ZFP14: variants seen among roughly 807,000 people sequenced by gnomAD.
ZFP14 encodes the protein ZFP14 zinc finger protein.
In ZFP14, 22 loss-of-function variants were observed where a neutral mutation model predicts 54.5. That is an observed-to-expected ratio of 0.40 (90% CI 0.29 to 0.58). The LOEUF (loss-of-function observed/expected upper bound fraction) is 0.58, where lower values mean the gene tolerates loss of function less well. Among genes scored for constraint, ZFP14 ranks in the 20% least tolerant of loss-of-function variants. The probability of loss-of-function intolerance (pLI) is 0.39; values close to 1 mark genes in which losing one functional copy is unlikely to be tolerated. For missense variants in ZFP14, 470 were observed against 637.8 expected (o/e 0.74, Z 2.83); for synonymous variants, 159 against 204.0 (o/e 0.78, Z 1.88).
chr19:36,358,267 C>T (rs1184443169), intron 4 of ZFP14, among the ~76,000 whole-genome samples: 1 of 150,954 alleles, frequency 6.6e-6, no homozygotes, highest in African/African-American at 2.4e-5. Context: ...TGCGCCACTA[C>T]ATCCAGCTAA....
Position 36,340,196 on chromosome 19 carries a change from A to G in ZFP14, c.*28T>C. On this transcript the variant is annotated 3_prime_UTR_variant, in exon 5 of 5. Coordinates refer to ENST00000270001, the MANE Select transcript of ZFP14 (RefSeq NM_020917.3). The surrounding 1 kb of genome is among the most constrained non-coding windows in gnomAD (Gnocchi z 5.4). ...AATGAATTTTCTGATGTTCTGTAAC[A>G]TCATATACATTTGAAGGCTTTCTTC... 6.6e-7 allele frequency: 1 copy of G among 1,526,250 alleles called. No individual in the cohort carries two copies. Among genetic ancestry groups the G allele is most frequent in the South Asian group, 1.3e-5 (1 of 74,688 alleles). 94.5% of individuals were successfully genotyped at this position (1,526,250 alleles called of 1,614,324 possible).
At chr19:36,347,251 A>T (rs1001692825) in intron 4 of ZFP14, among the ~76,000 whole-genome samples, 1 of 152,230 alleles carries the variant, frequency 6.6e-6, no homozygotes, top group African/African-American at 2.4e-5. Flanking sequence ...CTAACAAAAC[A>T]GAATATTTTG....
chr19:36,364,827 C>A (rs1178857540), intron 2 of ZFP14, among the ~76,000 whole-genome samples: 1 of 151,938 alleles, frequency 6.6e-6, no homozygotes, highest in Non-Finnish European at 1.5e-5. Flanking sequence ...AATCACAGAT[C>A]TTAAGGAAAG....
chr19:36,358,838 T>C (rs1324321134), intron 4 of ZFP14, among the ~76,000 whole-genome samples: 1 of 152,212 alleles, frequency 6.6e-6, no homozygotes, highest in East Asian at 1.9e-4. Context: ...GACTGGGTCA[T>C]GAGGGCTCTG....
At position 36,362,252 on chromosome 19, in the gene ZFP14, C is replaced by G; in HGVS notation, c.10-14G>C. The G allele has an allele frequency of 1.3e-6, 2 of 1,580,404 alleles. No individual in the cohort carries two copies. ...TGTCACTGAACCCTGAAAAAACAAA[C>G]TCAGGTATTACTTGTGAAAATAAAT... On this transcript the variant is annotated splice_polypyrimidine_tract_variant and intron_variant, in intron 2 of 4. Transcript: ENST00000270001.
intron 2 of ZFP14, among the ~76,000 whole-genome samples, chr19:36,366,309 C>A (rs2031794226): frequency 6.6e-6 from 1 of 151,840 alleles, no homozygotes; most frequent in African/African-American, 2.4e-5. Context: ...TCCACTTGAA[C>A]AAAGTTCTTG....
intron 4 of ZFP14, among the ~76,000 whole-genome samples, chr19:36,350,065 G>A (rs2031499159): frequency 7.2e-6 from 1 of 138,856 alleles, no homozygotes; most frequent in Non-Finnish European, 1.6e-5. Flanking sequence ...AGTCTGCAGT[G>A]AGCTGAGATT....
rs189947473 is a variant in ZFP14, at chr19:36,350,822, A to G, written c.236-9232T>C. Among the ~76,000 whole-genome samples the G allele has an allele frequency of 5.6e-4, 80 of 142,900 alleles. 10 individuals carry two copies. In the East Asian group the frequency reaches 0.016, roughly 28 times the overall value. The allele number at this position is 142,900 out of a possible 152,430, so 93.7% of individuals were successfully genotyped here. A position where few individuals can be genotyped will look rare whatever the true frequency, so the allele number is the denominator to read the frequency against. On this transcript the variant is annotated intron_variant, in intron 4 of 4. Coordinates refer to ENST00000270001, the MANE Select transcript of ZFP14 (RefSeq NM_020917.3). ...ACAATATCTCTGAAGGAGTTACAAT[A>G]TAAGTGACAAACTACTACTCAATGG...
At chr19:36,367,743 C>T (rs2031816818) in intron 2 of ZFP14, 141 bp downstream of exon 2, 10 of 933,640 alleles carry the variant, frequency 1.1e-5, no homozygotes, top group South Asian at 9.6e-5. Flanking sequence ...GGATTACAGG[C>T]GTGAGCCATT....
intron 4 of ZFP14, among the ~76,000 whole-genome samples, chr19:36,347,218 T>C (rs1037721749): frequency 6.6e-6 from 1 of 152,220 alleles, no homozygotes; most frequent in Non-Finnish European, 1.5e-5. Flanking sequence ...AGAAATAATA[T>C]AGTTCTTGAC....
In ZFP14 at chr19:36,340,205, A is replaced by C. The variant is rs1380145979; in HGVS notation, c.*19T>G. 6.5e-7 allele frequency: 1 copy of C among 1,538,178 alleles called. No individual in the cohort carries two copies. Among genetic ancestry groups the C allele is most frequent in the Non-Finnish European group, 8.7e-7 (1 of 1,144,986 alleles). On this transcript the variant is annotated 3_prime_UTR_variant, in exon 5 of 5. Coordinates refer to ENST00000270001, the MANE Select transcript of ZFP14 (RefSeq NM_020917.3). This position sits in a 1 kb window ranked among gnomAD's most constrained non-coding sequence, Gnocchi z 5.4. ...TCTGATGTTCTGTAACATCATATAC[A>C]TTTGAAGGCTTTCTTCTATTAAATT...
Position 36,341,864 on chromosome 19 carries a change from T to C in ZFP14, c.236-274A>G, listed in dbSNP as rs796712785. On this transcript the variant is annotated intron_variant, in intron 4 of 4. Coordinates refer to ENST00000270001, the MANE Select transcript of ZFP14 (RefSeq NM_020917.3). The surrounding 1 kb of genome is among the most constrained non-coding windows in gnomAD (Gnocchi z 4.2). ...GCAGGACCACTTAATTTTTTTTTTT[T>C]CTTTGGAGATGGAGTCTCGCTCTGT... Among the ~76,000 whole-genome samples the C allele has an allele frequency of 2.3e-4, 35 of 152,182 alleles. No homozygotes were observed. Among genetic ancestry groups the C allele is most frequent in the African/African-American group, 5.5e-4 (23 of 41,518 alleles).
intron 1 of ZFP14, among the ~76,000 whole-genome samples, chr19:36,373,333 C>A (rs1486801842): frequency 6.7e-6 from 1 of 150,324 alleles, no homozygotes; most frequent in Non-Finnish European, 1.5e-5. Flanking sequence ...ACAACTTAAT[C>A]TCATAGAAGT....
intron 4 of ZFP14, among the ~76,000 whole-genome samples, chr19:36,355,543 T>G (rs1419432513): frequency 1.4e-5 from 2 of 139,004 alleles, no homozygotes; most frequent in Non-Finnish European, 3.2e-5. Flanking sequence ...AATAGCTAAG[T>G]GTGGAGGCAT....
In ZFP14 at chr19:36,344,699, T is replaced by C. The variant is rs77677904; in HGVS notation, c.236-3109A>G. On this transcript the variant is annotated intron_variant, in intron 4 of 4. Transcript: ENST00000270001. The stretch of plus-strand genomic sequence containing the variant: ...CAGATCAGCGGTGACTAGATTCTCA[T>C]AGGAGCGTGAACCTTATTGTGAACT... 4.6e-5 allele frequency among the ~76,000 whole-genome samples: 7 copies of C among 152,102 alleles called. No homozygotes were observed. In the East Asian group the frequency reaches 9.7e-4, roughly 21 times the overall value.
intron 2 of ZFP14, among the ~76,000 whole-genome samples, chr19:36,364,159 C>T (rs1249690222): frequency 6.6e-6 from 1 of 152,076 alleles, no homozygotes; most frequent in Non-Finnish European, 1.5e-5. Flanking sequence ...TCCTATTCAC[C>T]CTGTTGGTGA....
chr19:36,361,093 T>C (rs1486568789), intron 3 of ZFP14, among the ~76,000 whole-genome samples: 1 of 152,244 alleles, frequency 6.6e-6, no homozygotes, highest in African/African-American at 2.4e-5. Context: ...ATCATTTTGA[T>C]GAGTGCATAC....
chr19:36,366,305 T>G (rs2031794189), intron 2 of ZFP14, among the ~76,000 whole-genome samples: 1 of 152,088 alleles, frequency 6.6e-6, no homozygotes, highest in African/African-American at 2.4e-5. Context: ...TGATTCCACT[T>G]GAACAAAGTT....
Position 36,341,480 on chromosome 19 carries a change from C to T in ZFP14, c.346G>A (p.Gly116Ser), listed in dbSNP as rs779974100. The change falls in exon 5 of 5, where the codon GGT becomes AGT. Residue 116 changes from glycine (G) to serine (S), a missense_variant. Transcript: ENST00000270001. The surrounding 1 kb of genome is among the most constrained non-coding windows in gnomAD (Gnocchi z 4.2). ...MERIKSYSLQGSIFRNDWECK... is the reference protein window; with the variant it reads ...MERIKSYSLQSSIFRNDWECK... ...TCCCAATCATTCCTAAAAATGGAAC[C>T]CTGAAGGCTATAGCTTTTAATTCTT... 6.2e-7 allele frequency: 1 copy of T among 1,613,968 alleles called. No homozygotes were observed. Among genetic ancestry groups the T allele is most frequent in the South Asian group, 1.1e-5 (1 of 91,068 alleles).
Sources: allele counts gnomAD v4.1 joint callset (sites outside exome capture counted in the v4.1 genomes callset), GRCh38; gene constraint gnomAD v4.1.1; non-coding constraint Gnocchi (gnomAD v3.1); transcripts MANE v1.5; gene names NCBI Gene and HGNC (gene_info 2026-07-23, HGNC 2026-07-21).